The following BANK1 variants were observed in gnomAD, a reference collection of about 807,000 sequenced individuals.
BANK1 encodes B-cell scaffold protein with ankyrin repeats.
Under a neutral mutation model 94.5 loss-of-function variants are expected in BANK1, and 95 were observed. The ratio of observed to expected loss-of-function variants is 1.00; its 90% CI spans 0.85 to 1.19. The LOEUF (loss-of-function observed/expected upper bound fraction) is 1.19, where lower values mean the gene tolerates loss of function less well. Ranked by LOEUF, BANK1 falls within the 50% of genes most tolerant of loss-of-function variation. The probability of loss-of-function intolerance (pLI) is 0.00; values close to 1 mark genes in which losing one functional copy is unlikely to be tolerated. For missense variants in BANK1, 987 were observed against 932.2 expected, an observed-to-expected ratio of 1.06 and a Z score of -0.77; for synonymous variants, 334 against 308.4, an observed-to-expected ratio of 1.08 and a Z score of -0.87.
chr4:101,804,741 T>G (rs1255420972), intron 1 of BANK1, among the ~76,000 whole-genome samples: 5 of 152,232 alleles, frequency 3.3e-5, no homozygotes, highest in Non-Finnish European at 7.3e-5. Flanking sequence ...CTAGCTTACT[T>G]TATTGTAAGA....
intron 2 of BANK1, 79 bp from the exon 3 acceptor site, chr4:101,854,956 G>A: frequency 9.2e-7 from 1 of 1,088,460 alleles, no homozygotes; most frequent in Non-Finnish European, 1.3e-6. Flanking sequence ...TGGTTGTTTA[G>A]CAATTAGTCT....
At chr4:101,909,246 C>T (rs1345987046) in intron 6 of BANK1, among the ~76,000 whole-genome samples, 3 of 152,124 alleles carry the variant, frequency 2.0e-5, no homozygotes, top group Non-Finnish European at 4.4e-5. Flanking sequence ...TTTGTAGGGA[C>T]ATGGATGAAG....
chr4:102,017,202 G>A (rs1726733443), intron 7 of BANK1, among the ~76,000 whole-genome samples: 2 of 152,144 alleles, frequency 1.3e-5, no homozygotes, highest in African/African-American at 4.8e-5. Flanking sequence ...TACATTTATA[G>A]TTACAGTCTT....
At chr4:101,955,312 A>G (rs1437905722) in intron 7 of BANK1, among the ~76,000 whole-genome samples, 1 of 152,142 alleles carries the variant, frequency 6.6e-6, no homozygotes, top group Non-Finnish European at 1.5e-5. Context: ...CAAAAGATTC[A>G]TTTCTGGATT....
chr4:101,856,349 T>A (rs559065351), intron 3 of BANK1, among the ~76,000 whole-genome samples: 1 of 151,034 alleles, frequency 6.6e-6, no homozygotes, highest in African/African-American at 2.5e-5. Flanking sequence ...CTGACACAGA[T>A]GATCAGGCAA....
intron 7 of BANK1, among the ~76,000 whole-genome samples, chr4:101,958,515 G>C (rs1267854017): frequency 1.5e-5 from 2 of 132,398 alleles, no homozygotes; most frequent in African/African-American, 5.8e-5. Context: ...TGTGATAGTT[G>C]GATGCCAGCT....
chr4:101,958,141 T>C (rs1724431631), intron 7 of BANK1, among the ~76,000 whole-genome samples: 2 of 152,160 alleles, frequency 1.3e-5, no homozygotes, highest in Non-Finnish European at 2.9e-5. Flanking sequence ...CCACCGCTCC[T>C]GGCCTAGGTT....
Position 101,986,253 on chromosome 4 carries a change from A to G in BANK1, c.1207-35261A>G, listed in dbSNP as rs185163229. On this transcript the variant is annotated intron_variant, in intron 7 of 16. Coordinates refer to ENST00000322953, the MANE Select transcript of BANK1 (RefSeq NM_017935.5). The stretch of plus-strand genomic sequence containing the variant: ...CAAGACACACATGTTCCTAAAATAG[A>G]GCTTAAGTATTAGACAACAGAAACA... 3.7e-3 allele frequency among the ~76,000 whole-genome samples: 561 copies of G among 152,222 alleles called. 1 individual carries two copies. Among genetic ancestry groups the G allele is most frequent in the Non-Finnish European group, 6.0e-3 (410 of 67,976 alleles).
intron 6 of BANK1, among the ~76,000 whole-genome samples, chr4:101,908,591 A>G (rs1722548592): frequency 6.6e-6 from 1 of 152,224 alleles, no homozygotes; most frequent in Non-Finnish European, 1.5e-5. Context: ...CTGCACAGCA[A>G]AAGAAACTAC....
intron 6 of BANK1, among the ~76,000 whole-genome samples, chr4:101,898,874 A>G (rs1722181103): frequency 6.6e-6 from 1 of 152,120 alleles, no homozygotes; most frequent in Non-Finnish European, 1.5e-5. Flanking sequence ...GGGAAAATAC[A>G]TAACAAATAA....
intron 5 of BANK1, among the ~76,000 whole-genome samples, chr4:101,872,366 T>C (rs1728324498): frequency 6.6e-6 from 1 of 152,094 alleles, no homozygotes; most frequent in Admixed American, 6.6e-5. Context: ...GAGACTGGGA[T>C]CTCAGACCAG....
At chr4:101,964,262 G>A (rs1164658343) in intron 7 of BANK1, among the ~76,000 whole-genome samples, 2 of 151,916 alleles carry the variant, frequency 1.3e-5, no homozygotes, top group African/African-American at 4.8e-5. Flanking sequence ...GTCACTGATG[G>A]GGTCAACAGA....
chr4:101,922,007 C>A, intron 7 of BANK1, among the ~76,000 whole-genome samples: 1 of 112,658 alleles, frequency 8.9e-6, no homozygotes, highest in African/African-American at 3.4e-5. Flanking sequence ...GGACACTGGG[C>A]CCGTGTGTGT....
intron 7 of BANK1, among the ~76,000 whole-genome samples, chr4:101,979,857 AT>A (rs1030884920): frequency 2.0e-4 from 31 of 151,946 alleles, no homozygotes; most frequent in Admixed American, 9.8e-4. Context: ...GAATTTTGCC[AT>A]TTTTTATGGG....
At chr4:101,834,518 T>G (rs1726752028) in intron 2 of BANK1, among the ~76,000 whole-genome samples, 1 of 152,190 alleles carries the variant, frequency 6.6e-6, no homozygotes. Flanking sequence ...TTTGAAGAAA[T>G]TGGTTCTATT....
intron 6 of BANK1, among the ~76,000 whole-genome samples, chr4:101,909,782 A>G (rs769749958): frequency 6.6e-6 from 1 of 152,224 alleles, no homozygotes; most frequent in Non-Finnish European, 1.5e-5. Flanking sequence ...CACTAAATAT[A>G]TATAATTTTT....
At chr4:101,817,954 A>G (rs968513972) in intron 1 of BANK1, among the ~76,000 whole-genome samples, 1 of 152,012 alleles carries the variant, frequency 6.6e-6, no homozygotes, top group African/African-American at 2.4e-5. Flanking sequence ...CCCCTGCTAT[A>G]CCATTGGCTG....
chr4:101,895,040 A>G (rs1722013690), intron 5 of BANK1, among the ~76,000 whole-genome samples: 1 of 151,708 alleles, frequency 6.6e-6, no homozygotes, highest in Non-Finnish European at 1.5e-5. Flanking sequence ...TATAAAATAT[A>G]AAGTTATATT....
chr4:101,796,349 G>A (rs1477830294), intron 1 of BANK1, among the ~76,000 whole-genome samples: 1 of 152,050 alleles, frequency 6.6e-6, no homozygotes, highest in Non-Finnish European at 1.5e-5. Flanking sequence ...AAAAAAGTTT[G>A]GGCTAGCATA....
Sources: allele counts gnomAD v4.1 joint callset (sites outside exome capture counted in the v4.1 genomes callset), GRCh38; gene constraint gnomAD v4.1.1; transcripts MANE v1.5; gene names NCBI Gene and HGNC (gene_info 2026-07-23, HGNC 2026-07-21).